APLF: variants seen among roughly 807,000 people sequenced by gnomAD.
APLF encodes the protein aprataxin and PNK-like factor.
Under a neutral mutation model 55.6 loss-of-function variants are expected in APLF, and 61 were observed. The ratio of observed to expected loss-of-function variants is 1.10; its 90% CI spans 0.89 to 1.36. APLF has a LOEUF of 1.36. Among genes scored for constraint, APLF ranks in the 40% most tolerant of loss-of-function variants. APLF has a pLI of 0.00. For synonymous variants in APLF, 207 were observed against 214.8 expected (o/e 0.96, Z 0.32); for missense variants, 611 against 602.5 (o/e 1.01, Z -0.15).
intron 3 of APLF, among the ~76,000 whole-genome samples, chr2:68,508,126 A>G (rs1406615403): frequency 6.6e-6 from 1 of 151,924 alleles, no homozygotes; most frequent in Non-Finnish European, 1.5e-5. Context: ...TTTGGAATAT[A>G]TTTGAAAGAC....
chr2:68,518,513 A>G (rs182449791), intron 5 of APLF, among the ~76,000 whole-genome samples: 1,748 of 117,214 alleles, frequency 0.015, 51 homozygotes, highest in African/African-American at 0.057. Context: ...TAATGTTAAT[A>G]TATTATTATA....
In APLF at chr2:68,517,118, C is replaced by T. The variant is rs1239278694; in HGVS notation, c.622+3438C>T. Reference sequence around the variant, plus strand: ...TATAATATACTAATATATAATAATACGTTATTGATCTATAACATATTAATA... The same window carrying T: ...TATAATATACTAATATATAATAATATGTTATTGATCTATAACATATTAATA... On this transcript the variant is annotated intron_variant, in intron 5 of 9. Transcript: ENST00000303795. Among the ~76,000 whole-genome samples, 14 of 120,198 alleles carry T rather than the reference C, an allele frequency of 1.2e-4. No individual in the cohort carries two copies. The South Asian group carries it at 2.9e-3, about 25-fold the overall frequency. 78.9% of individuals were successfully genotyped at this position (120,198 alleles called of 152,430 possible).
At chr2:68,550,691 A>G (rs1342860523) in intron 8 of APLF, among the ~76,000 whole-genome samples, 1 of 151,832 alleles carries the variant, frequency 6.6e-6, no homozygotes, top group Non-Finnish European at 1.5e-5. Context: ...TTAATTTTTC[A>G]ATAGCCACAC....
intron 2 of APLF, among the ~76,000 whole-genome samples, chr2:68,500,614 T>C (rs1425916737): frequency 6.6e-6 from 1 of 152,220 alleles, no homozygotes; most frequent in African/African-American, 2.4e-5. Context: ...AAAATGCTCA[T>C]GAATGAGAAG....
chr2:68,550,341 C>T (rs914357848), intron 8 of APLF, among the ~76,000 whole-genome samples: 6 of 152,030 alleles, frequency 3.9e-5, no homozygotes, highest in African/African-American at 1.4e-4. Context: ...AGGCAATTCT[C>T]CTGCCTCAGC....
chr2:68,490,519 G>C (rs1199081491), intron 2 of APLF, among the ~76,000 whole-genome samples: 1 of 151,998 alleles, frequency 6.6e-6, no homozygotes, highest in Non-Finnish European at 1.5e-5. Flanking sequence ...ATTATGATTT[G>C]GTTTAAAATT....
In APLF at chr2:68,578,263, A is replaced by C; in HGVS notation, c.*241A>C. Reference sequence around the variant, plus strand: ...GCATCTGGAAATAGGAAGACAGAGAAGGTAGAGTAAAAATGGATATTTTTT... The same window carrying C: ...GCATCTGGAAATAGGAAGACAGAGACGGTAGAGTAAAAATGGATATTTTTT... On this transcript the variant is annotated 3_prime_UTR_variant, in exon 10 of 10. Transcript: ENST00000303795. 1 of 1,234,934 alleles carries C rather than the reference A, an allele frequency of 8.1e-7. No homozygotes were observed. The highest frequency in any genetic ancestry group is 1.0e-6 in the Non-Finnish European group (1 of 983,178). 76.5% of individuals were successfully genotyped at this position (1,234,934 alleles called of 1,614,324 possible). A position where few individuals can be genotyped will look rare whatever the true frequency, so the allele number is the denominator to read the frequency against.
intron 6 of APLF, chr2:68,528,182 A>G (rs1264205492): frequency 1.3e-5 from 10 of 741,478 alleles, no homozygotes; most frequent in Non-Finnish European, 2.0e-5. Flanking sequence ...TGACCTCCTG[A>G]TCCGCCCACC....
At chr2:68,554,811 G>A (rs557880102) in intron 8 of APLF, among the ~76,000 whole-genome samples, 2 of 151,352 alleles carry the variant, frequency 1.3e-5, no homozygotes, top group Middle Eastern at 6.8e-3. Flanking sequence ...AATCTTTAGG[G>A]TTTTAGAAAA....
chr2:68,517,986 CTAA>C (rs1439116681), intron 5 of APLF, among the ~76,000 whole-genome samples: 2 of 132,864 alleles, frequency 1.5e-5, no homozygotes, highest in African/African-American at 3.1e-5. Context: ...TAATATATCA[CTAA>C]TATGTGTTAA....
At chr2:68,480,661 G>T (rs1190701592) in intron 1 of APLF, among the ~76,000 whole-genome samples, 1 of 151,954 alleles carries the variant, frequency 6.6e-6, no homozygotes, top group African/African-American at 2.4e-5. Flanking sequence ...TTTAATAAGA[G>T]TGGTAATAGT....
intron 1 of APLF, among the ~76,000 whole-genome samples, chr2:68,483,738 G>A (rs993836660): frequency 4.6e-5 from 7 of 151,830 alleles, no homozygotes; most frequent in African/African-American, 1.7e-4. Flanking sequence ...ATAATATCCT[G>A]TGTAATACAG....
At chr2:68,553,450 A>G (rs913300942) in intron 8 of APLF, among the ~76,000 whole-genome samples, 1 of 105,584 alleles carries the variant, frequency 9.5e-6, no homozygotes, top group African/African-American at 2.8e-5. Context: ...GTGAGAGTAT[A>G]TTATTTTTGA....
chr2:68,503,329 A>G (rs888844033), intron 3 of APLF, among the ~76,000 whole-genome samples: 2 of 152,130 alleles, frequency 1.3e-5, no homozygotes, highest in African/African-American at 2.4e-5. Flanking sequence ...ATAGCAGAAA[A>G]TATAGAACAG....
At position 68,578,398 on chromosome 2, in the gene APLF, G is replaced by C; in HGVS notation, c.*376G>C. The C allele has an allele frequency of 1.0e-6, 1 of 995,500 alleles. No individual in the cohort carries two copies. Among genetic ancestry groups the C allele is most frequent in the South Asian group, 4.4e-5 (1 of 22,482 alleles). The allele number at this position is 995,500 out of a possible 1,614,324, so 61.7% of individuals were successfully genotyped here. On this transcript the variant is annotated 3_prime_UTR_variant, in exon 10 of 10. Transcript: ENST00000303795. The stretch of plus-strand genomic sequence containing the variant: ...TGGAGTACTCTGCAAGTATAACCAG[G>C]CAAAGTACATGAAAACATGCCTCTT...
At chr2:68,507,491 C>T (rs544537108) in intron 3 of APLF, among the ~76,000 whole-genome samples, 5 of 151,930 alleles carry the variant, frequency 3.3e-5, no homozygotes, top group African/African-American at 1.2e-4. Context: ...TCATTTTTCA[C>T]TCTTTTCTCT....
At chr2:68,523,083 A>ATATTATC (rs1241030933) in intron 5 of APLF, among the ~76,000 whole-genome samples, 2 of 151,990 alleles carry the variant, frequency 1.3e-5, no homozygotes, top group Non-Finnish European at 2.9e-5. Flanking sequence ...ATACTGAGAT[A>ATATTATC]TATTATCTAC....
intron 5 of APLF, among the ~76,000 whole-genome samples, chr2:68,516,950 A>T (rs374582867): frequency 2.4e-5 from 3 of 126,552 alleles, no homozygotes; most frequent in East Asian, 2.1e-4. Flanking sequence ...TAATATATAT[A>T]ATATAATATA....
rs961719920 is a variant in APLF at position 68,529,025 on chromosome 2, G to A, written c.804+2783G>A. ...CTCTTCTGCCCTCACCTCCATTTTC[G>A]GGAGCCTGGCTGGGATCACCTGCTC... On this transcript the variant is annotated intron_variant, in intron 6 of 9. Transcript: ENST00000303795. This position sits in a 1 kb window ranked among gnomAD's most constrained non-coding sequence, Gnocchi z 4.4. The A allele has an allele frequency of 6.4e-5, 96 of 1,495,352 alleles. No homozygotes were observed. The highest frequency in any genetic ancestry group is 6.1e-4 in the East Asian group (25 of 40,722). The allele number at this position is 1,495,352 out of a possible 1,614,324, so 92.6% of individuals were successfully genotyped here.
Sources: gnomAD v4.1 joint callset for allele counts (sites outside exome capture counted in the v4.1 genomes callset) on GRCh38, gnomAD v4.1.1 for gene constraint, Gnocchi (gnomAD v3.1) non-coding constraint, MANE v1.5 for transcripts, NCBI Gene and HGNC (gene_info 2026-07-23, HGNC 2026-07-21) for gene names.